The following UGT1A8 variants were observed in gnomAD, a reference collection of about 807,000 sequenced individuals.
UGT1A8 encodes UDP glucuronosyltransferase family 1 member A8.
In UGT1A8, 39 loss-of-function variants were observed where a neutral mutation model predicts 45.3. That is an observed-to-expected ratio of 0.86 (90% CI 0.67 to 1.12). The LOEUF is 1.12. Ranked by LOEUF, UGT1A8 falls within the 50% of genes most tolerant of loss-of-function variation. UGT1A8 has a pLI of 0.00. For synonymous variants in UGT1A8, 275 were observed against 249.2 expected (o/e 1.10, Z -0.97); for missense variants, 719 against 664.9 (o/e 1.08, Z -0.90).
chr2:233,644,305 TG>T (rs769799058), intron 1 of UGT1A8, among the ~76,000 whole-genome samples: 1 of 152,160 alleles, frequency 6.6e-6, no homozygotes, highest in Non-Finnish European at 1.5e-5. Flanking sequence ...CGGTGGCTCA[TG>T]CCTGTAATCC....
chr2:233,740,991 G>A (rs1484591250), intron 1 of UGT1A8: 3 of 151,764 alleles, frequency 2.0e-5, no homozygotes, highest in African/African-American at 7.3e-5. Flanking sequence ...GAATGCTGAG[G>A]AGGAAGGATC....
At chr2:233,686,166 A>G (rs1422403652) in intron 1 of UGT1A8, among the ~76,000 whole-genome samples, 1 of 152,178 alleles carries the variant, frequency 6.6e-6, no homozygotes, top group Non-Finnish European at 1.5e-5. Flanking sequence ...AAAGACCTAA[A>G]TAGAAAATCT....
chr2:233,748,180 G>T (rs1460619178), intron 1 of UGT1A8: 22 of 1,578,250 alleles, frequency 1.4e-5, no homozygotes, highest in Non-Finnish European at 1.9e-5. Flanking sequence ...TCTTTCTGGT[G>T]CTTTTATTTC....
At chr2:233,757,592 A>C (rs1473098427) in intron 1 of UGT1A8, among the ~76,000 whole-genome samples, 1 of 143,702 alleles carries the variant, frequency 7.0e-6, no homozygotes, top group Non-Finnish European at 1.5e-5. Context: ...GTCTAATAGC[A>C]AGGACAGATA....
intron 1 of UGT1A8, among the ~76,000 whole-genome samples, chr2:233,683,688 G>A (rs139130236): frequency 6.1e-4 from 93 of 151,852 alleles, no homozygotes; most frequent in Middle Eastern, 3.4e-3. Flanking sequence ...TTATTCCTCT[G>A]CATTTCATTA....
chr2:233,641,367 C>T (rs1409613653), intron 1 of UGT1A8, among the ~76,000 whole-genome samples: 1 of 152,162 alleles, frequency 6.6e-6, no homozygotes, highest in East Asian at 1.9e-4. Flanking sequence ...CATAAACAAA[C>T]ACACAGCAAG....
intron 1 of UGT1A8, chr2:233,743,892 C>A (rs1369437404): frequency 1.5e-6 from 2 of 1,366,886 alleles, no homozygotes; most frequent in Non-Finnish European, 2.0e-6. Flanking sequence ...CGGGGCACGT[C>A]CAGCACCTCG....
chr2:233,768,579 CTTCT>C (rs1699650824), intron 4 of UGT1A8, 140 bp downstream of exon 4: 12 of 934,830 alleles, frequency 1.3e-5, no homozygotes, highest in African/African-American at 2.0e-5. Flanking sequence ...ATTTTTATTT[CTTCT>C]TTTTTTTTTT....
intron 4 of UGT1A8, chr2:233,770,148 T>A (rs1432860944): frequency 2.0e-5 from 3 of 152,232 alleles, no homozygotes; most frequent in Admixed American, 6.5e-5. Context: ...CATTATTTTT[T>A]AAAAAAACAC....
At chr2:233,691,342 C>T (rs951166922) in intron 1 of UGT1A8, 24 of 985,412 alleles carry the variant, frequency 2.4e-5, no homozygotes, top group African/African-American at 3.5e-5. Context: ...GCTGAGTCTT[C>T]GCATGCCTTG....
chr2:233,633,474 C>T (rs2125456137), intron 1 of UGT1A8, among the ~76,000 whole-genome samples: 1 of 152,284 alleles, frequency 6.6e-6, no homozygotes, highest in Non-Finnish European at 1.5e-5. Context: ...TTAATTACTG[C>T]CTCAATTTCA....
intron 1 of UGT1A8, among the ~76,000 whole-genome samples, chr2:233,637,691 C>A (rs2073338462): frequency 6.6e-6 from 1 of 151,840 alleles, no homozygotes; most frequent in Non-Finnish European, 1.5e-5. Flanking sequence ...TCTATGTGAC[C>A]CCGTAGTTGA....
intron 1 of UGT1A8, chr2:233,713,616 C>A (rs749122240): frequency 7.4e-6 from 12 of 1,613,980 alleles, no homozygotes; most frequent in Middle Eastern, 3.3e-4. Context: ...GACATTCCTG[C>A]AAAGGGTCAA....
chr2:233,648,951 G>C, intron 1 of UGT1A8: 1 of 1,437,844 alleles, frequency 7.0e-7, no homozygotes, highest in South Asian at 1.1e-5. Context: ...TTGTTTTGGA[G>C]TATCCCAAAC....
chr2:233,697,902 T>C (rs1224525194), intron 1 of UGT1A8, among the ~76,000 whole-genome samples: 1 of 152,238 alleles, frequency 6.6e-6, no homozygotes, highest in East Asian at 1.9e-4. Context: ...TCAAATCTAT[T>C]GACTCCTTCT....
intron 1 of UGT1A8, among the ~76,000 whole-genome samples, chr2:233,644,113 C>G (rs558967707): frequency 7.2e-5 from 11 of 152,180 alleles, no homozygotes; most frequent in Non-Finnish European, 1.3e-4. Context: ...GGGCCTAGTA[C>G]AGCCCTAGAA....
chr2:233,672,726 C>T (rs757168993), intron 1 of UGT1A8: 15 of 1,613,748 alleles, frequency 9.3e-6, no homozygotes, highest in South Asian at 3.3e-5. Context: ...ATCCCAAACC[C>T]GTGATGCCCA....
At chr2:233,693,331 G>C (rs754916452) in intron 1 of UGT1A8, 34 of 1,614,074 alleles carry the variant, frequency 2.1e-5, no homozygotes, top group Non-Finnish European at 2.8e-5. Flanking sequence ...CTGCTCCTCA[G>C]ACAGAGTACA....
intron 1 of UGT1A8, among the ~76,000 whole-genome samples, chr2:233,639,409 A>G (rs910789430): frequency 6.6e-6 from 1 of 152,208 alleles, no homozygotes; most frequent in Non-Finnish European, 1.5e-5. Flanking sequence ...CCACAAAAGT[A>G]AAAGTAAATT....
Sources: allele counts gnomAD v4.1 joint callset (sites outside exome capture counted in the v4.1 genomes callset), GRCh38; gene constraint gnomAD v4.1.1; transcripts MANE v1.5; gene names NCBI Gene and HGNC (gene_info 2026-07-23, HGNC 2026-07-21).